Variants in PUS10 observed in about 807,000 individuals in gnomAD.
PUS10 encodes pseudouridine synthase 10.
A neutral mutation model predicts 75.0 loss-of-function variants in PUS10; 59 were observed. That is an observed-to-expected ratio of 0.79 (90% CI 0.64 to 0.98). The LOEUF is 0.98. PUS10 is among the 50% of genes least tolerant of loss of function. The probability of loss-of-function intolerance (pLI) is 0.00; values close to 1 mark genes in which losing one functional copy is unlikely to be tolerated. For synonymous variants in PUS10, 219 were observed against 211.6 expected (o/e 1.03, Z -0.30); for missense variants, 650 against 614.4 (o/e 1.06, Z -0.61).
At chr2:60,960,323 G>A (rs1251500138) in intron 11 of PUS10, 69 bp downstream of exon 11, 90 of 1,240,158 alleles carry the variant, frequency 7.3e-5, no homozygotes, top group Non-Finnish European at 5.0e-5. Context: ...TAGCCTAGTT[G>A]ACAAAGCAAG....
rs1676110770 is a variant in PUS10, at chr2:60,962,775, C to T, written c.788+51G>A. ...ATAATCCAGCTTATCTCTAACATTC[C>T]CTTTATTCTAAAATTTCACGATGCT... On this transcript the variant is annotated intron_variant, in intron 9 of 17. Transcript: ENST00000316752. 15 of 1,555,394 alleles carry T rather than the reference C, an allele frequency of 9.6e-6. No homozygotes were observed. In the East Asian group the frequency reaches 3.5e-4, roughly 36 times the overall value.
intron 4 of PUS10, among the ~76,000 whole-genome samples, chr2:60,996,217 T>A (rs1489967265): frequency 6.6e-6 from 1 of 152,220 alleles, no homozygotes; most frequent in Non-Finnish European, 1.5e-5. Context: ...AGCACCCCAA[T>A]AACGAGTTAT....
At chr2:60,962,778 T>C in intron 9 of PUS10, 48 bp downstream of exon 9, 1 of 1,559,646 alleles carries the variant, frequency 6.4e-7, no homozygotes, top group East Asian at 2.3e-5. Context: ...AACATTCCCT[T>C]TATTCTAAAA....
chr2:60,956,974 CAAAAAAAAA>C (rs56804354), intron 11 of PUS10, among the ~76,000 whole-genome samples: 2 of 19,248 alleles, frequency 1.0e-4, no homozygotes, highest in African/African-American at 3.2e-4. Flanking sequence ...GACTCCATCT[CAAAAAAAAA>C]AAAAAAAAAA....
At chr2:61,013,699 A>C (rs779761827) in intron 1 of PUS10, among the ~76,000 whole-genome samples, 3 of 152,190 alleles carry the variant, frequency 2.0e-5, no homozygotes, top group Admixed American at 6.5e-5. Flanking sequence ...ATACTGGACT[A>C]CCCTTAATGA....
At chr2:61,003,856 A>G (rs185962339) in intron 4 of PUS10, among the ~76,000 whole-genome samples, 1 of 152,240 alleles carries the variant, frequency 6.6e-6, no homozygotes, top group Admixed American at 6.5e-5. Flanking sequence ...AATTTTTTAA[A>G]AAACTTTACT....
At chr2:60,996,283 T>A (rs923296670) in intron 4 of PUS10, among the ~76,000 whole-genome samples, 2 of 152,246 alleles carry the variant, frequency 1.3e-5, no homozygotes, top group African/African-American at 2.4e-5. Context: ...TGATTGTACA[T>A]GCCAACCAGG....
At chr2:60,969,924 C>A (rs1676558089) in intron 5 of PUS10, among the ~76,000 whole-genome samples, 2 of 151,942 alleles carry the variant, frequency 1.3e-5, no homozygotes, top group African/African-American at 4.8e-5. Flanking sequence ...CCTGTGTCTA[C>A]TAAAAATACA....
At chr2:60,957,097 T>C in intron 11 of PUS10, among the ~76,000 whole-genome samples, 1 of 151,210 alleles carries the variant, frequency 6.6e-6, no homozygotes, top group East Asian at 1.9e-4. Context: ...CCTGAAAACT[T>C]ATTAGTGTGC....
At chr2:60,954,916 G>T in intron 12 of PUS10, 102 bp downstream of exon 12, 2 of 705,396 alleles carry the variant, frequency 2.8e-6, no homozygotes, top group Non-Finnish European at 4.6e-6. Flanking sequence ...TCTGGGCCTT[G>T]CTCACTTTGT....
intron 2 of PUS10, chr2:61,010,887 A>G (rs1333756144): frequency 1.3e-6 from 2 of 1,549,624 alleles, no homozygotes; most frequent in South Asian, 2.4e-5. Context: ...CAGTTTCTTC[A>G]TCTGAAAATA....
intron 4 of PUS10, among the ~76,000 whole-genome samples, chr2:60,974,287 C>G (rs548699377): frequency 2.3e-4 from 33 of 145,608 alleles, no homozygotes; most frequent in African/African-American, 7.8e-4. Flanking sequence ...GCGATACCAG[C>G]TCACTGCAAC....
chr2:61,014,390 GCAAA>G lies in PUS10; in HGVS notation c.-15-2489_-15-2486del, dbSNP rs1162740154. Among the ~76,000 whole-genome samples, 7 of 151,852 alleles carry G rather than the reference GCAAA, an allele frequency of 4.6e-5. No individual in the cohort carries two copies. The South Asian group carries it at 6.2e-4, about 13-fold the overall frequency. ...GCGAAATTCCATCTCAAACAAACAAGCAAACAAACAAACAAAAAAACCTTCAACA... is the reference window on the plus strand; with the variant it reads ...GCGAAATTCCATCTCAAACAAACAAGCAAACAAACAAAAAAACCTTCAACA... On this transcript the variant is annotated intron_variant, in intron 1 of 17. Transcript: ENST00000316752.
intron 4 of PUS10, chr2:60,998,840 AG>A (rs1558973490): frequency 6.6e-6 from 1 of 152,214 alleles, no homozygotes; most frequent in Non-Finnish European, 1.5e-5. Context: ...TTGGATGGGT[AG>A]AAATGGTAGT....
intron 2 of PUS10, among the ~76,000 whole-genome samples, chr2:61,011,226 C>A (rs778670600): frequency 6.6e-6 from 1 of 151,984 alleles, no homozygotes; most frequent in Non-Finnish European, 1.5e-5. Context: ...TTATATTAAA[C>A]CTCAAAGCTC....
chr2:61,017,474 G>A (rs1680078190), intron 1 of PUS10: 1 of 316,486 alleles, frequency 3.2e-6, no homozygotes, highest in South Asian at 8.1e-5. Flanking sequence ...CGACGTCTAG[G>A]GAGTTGTAGC....
chr2:60,981,447 T>A (rs1677387605), intron 4 of PUS10, among the ~76,000 whole-genome samples: 1 of 151,614 alleles, frequency 6.6e-6, no homozygotes, highest in Admixed American at 6.6e-5. Context: ...CACATCTAGC[T>A]AATTTTTGTA....
intron 4 of PUS10, among the ~76,000 whole-genome samples, chr2:60,976,353 A>G (rs1452690591): frequency 2.0e-5 from 3 of 152,200 alleles, no homozygotes; most frequent in African/African-American, 7.2e-5. Flanking sequence ...CTCCCTCTTC[A>G]ATGAAATCTG....
chr2:60,980,265 G>A (rs572872605), intron 4 of PUS10, among the ~76,000 whole-genome samples: 23 of 152,296 alleles, frequency 1.5e-4, no homozygotes, highest in Admixed American at 9.8e-4. Context: ...GTTGGCAGCC[G>A]GGTGTGGCTG....
Sources: gnomAD v4.1 joint callset for allele counts (sites outside exome capture counted in the v4.1 genomes callset) on GRCh38, gnomAD v4.1.1 for gene constraint, MANE v1.5 for transcripts, NCBI Gene and HGNC (gene_info 2026-07-23, HGNC 2026-07-21) for gene names.